The following SSUH2 variants were observed in gnomAD, a reference collection of about 807,000 sequenced individuals.
SSUH2 encodes protein SSUH2 homolog.
In SSUH2, 47 loss-of-function variants were observed where a neutral mutation model predicts 55.3. The ratio of observed to expected loss-of-function variants is 0.85; its 90% CI spans 0.67 to 1.08. SSUH2 has a LOEUF of 1.08. SSUH2 is among the 50% of genes least tolerant of loss of function. SSUH2 has a pLI of 0.00. For missense variants in SSUH2, 535 were observed against 490.7 expected, an observed-to-expected ratio of 1.09 and a Z score of -0.85; for synonymous variants, 212 against 191.5, an observed-to-expected ratio of 1.11 and a Z score of -0.89.
intron 3 of SSUH2, among the ~76,000 whole-genome samples, chr3:8,673,096 TCA>T (rs780783364): frequency 2.0e-5 from 3 of 152,000 alleles, no homozygotes; most frequent in Non-Finnish European, 4.4e-5. Flanking sequence ...CTAATAGTGT[TCA>T]GATTATTAAT....
At chr3:8,655,352 A>T (rs75163340) in intron 7 of SSUH2, among the ~76,000 whole-genome samples, 1 of 54,354 alleles carries the variant, frequency 1.8e-5, no homozygotes, top group Admixed American at 2.0e-4. Flanking sequence ...GGGTGGCCTC[A>T]TCCCCCAGTC....
At chr3:8,635,898 C>A in intron 1 of SSUH2, 41 bp from the exon 2 acceptor site, 1 of 1,513,136 alleles carries the variant, frequency 6.6e-7, no homozygotes. Context: ...GGTAGGGAGG[C>A]GAGGGCTGAT....
intron 3 of SSUH2, chr3:8,634,413 C>T (rs941346867): frequency 8.5e-6 from 11 of 1,290,708 alleles, no homozygotes; most frequent in Non-Finnish European, 1.1e-5. Flanking sequence ...TCTTTCTGGC[C>T]CCAACACCTC....
Position 8,664,367 on chromosome 3 carries a change from C to T in SSUH2, c.-454-565G>A, listed in dbSNP as rs576659163. ...ATCTTCATGAAGCATGTCCCCCTTT[C>T]CCTTGGCGCTGTGTATAGCACAGCC... On this transcript the variant is annotated intron_variant, in intron 5 of 18. Transcript: ENST00000317371. Among the ~76,000 whole-genome samples, 40 of 152,352 alleles carry T rather than the reference C, an allele frequency of 2.6e-4. No homozygotes were observed. In the South Asian group the frequency reaches 7.7e-3, roughly 29 times the overall value.
At chr3:8,675,717 C>A (rs1272720626) in intron 3 of SSUH2, among the ~76,000 whole-genome samples, 1 of 152,078 alleles carries the variant, frequency 6.6e-6, no homozygotes, top group Non-Finnish European at 1.5e-5. Context: ...ACTAGCCAAG[C>A]CTTTGCATGA....
intron 7 of SSUH2, among the ~76,000 whole-genome samples, chr3:8,653,880 T>G (rs888148946): frequency 6.6e-6 from 1 of 152,144 alleles, no homozygotes; most frequent in African/African-American, 2.4e-5. Flanking sequence ...CGGTACTCAC[T>G]CTCTACCTCC....
chr3:8,680,958 A>C (rs1705891951), intron 1 of SSUH2, among the ~76,000 whole-genome samples: 1 of 143,546 alleles, frequency 7.0e-6, no homozygotes, highest in Non-Finnish European at 1.6e-5. Context: ...AATTATTATC[A>C]TCCTCTCCCC....
At chr3:8,660,646 G>T (rs1024675133) in intron 6 of SSUH2, among the ~76,000 whole-genome samples, 2 of 139,214 alleles carry the variant, frequency 1.4e-5, no homozygotes, top group Non-Finnish European at 3.1e-5. Context: ...TTTTACAAAT[G>T]TCTATATTTA....
intron 5 of SSUH2, among the ~76,000 whole-genome samples, chr3:8,669,561 T>C (rs1490402420): frequency 2.0e-5 from 3 of 152,168 alleles, no homozygotes; most frequent in Non-Finnish European, 4.4e-5. Context: ...AAATATGTAT[T>C]ATTTACAAAA....
chr3:8,647,723 C>T (rs1465235150), upstream of SSUH2, among the ~76,000 whole-genome samples: 3 of 152,228 alleles, frequency 2.0e-5, no homozygotes, highest in African/African-American at 2.4e-5. Context: ...GGAACCAGGC[C>T]CTGCCTCGGG....
At chr3:8,675,361 C>G (rs538312556) in intron 3 of SSUH2, among the ~76,000 whole-genome samples, 2 of 152,180 alleles carry the variant, frequency 1.3e-5, no homozygotes, top group African/African-American at 2.4e-5. Context: ...GGCGTTGGCT[C>G]GAGACCATCA....
intron 1 of SSUH2, among the ~76,000 whole-genome samples, chr3:8,680,565 G>A (rs1239279603): frequency 2.0e-5 from 3 of 151,808 alleles, no homozygotes; most frequent in Admixed American, 6.6e-5. Context: ...CCTCTCCCAC[G>A]CTGAAATTAG....
chr3:8,645,569 C>A (rs367996515), upstream of SSUH2, among the ~76,000 whole-genome samples: 7 of 152,278 alleles, frequency 4.6e-5, no homozygotes, highest in East Asian at 1.2e-3. Context: ...GGTCCCACCC[C>A]CTCCACTGCA....
chr3:8,678,880 C>G (rs1271273612), intron 2 of SSUH2, among the ~76,000 whole-genome samples: 2 of 115,846 alleles, frequency 1.7e-5, no homozygotes, highest in African/African-American at 5.9e-5. Context: ...CTCTTAGGAT[C>G]CCCATTGCAA....
intron 5 of SSUH2, among the ~76,000 whole-genome samples, chr3:8,665,150 T>A (rs1179982943): frequency 1.3e-5 from 2 of 152,028 alleles, no homozygotes; most frequent in Admixed American, 6.5e-5. Context: ...ACTGCAATTA[T>A]TTTGGGATGG....
chr3:8,634,610 G>T, intron 3 of SSUH2: 2 of 1,286,542 alleles, frequency 1.6e-6, no homozygotes, highest in Non-Finnish European at 2.0e-6. Context: ...GGCTGGAGAG[G>T]CCAGAGATGA....
In SSUH2 at chr3:8,620,633, T is replaced by C. The variant is rs146668144; in HGVS notation, c.982-619A>G. Among the ~76,000 whole-genome samples the C allele has an allele frequency of 1.9e-3, 292 of 152,348 alleles. 2 individuals carry two copies. The highest frequency in any genetic ancestry group is 6.8e-3 in the African/African-American group (282 of 41,580). ...TTTAGCTACCATTTGATTCTAGGTT[T>C]CACCAAGTGGGCACAGGCATCCCCA... On this transcript the variant is annotated intron_variant, in intron 11 of 11. Coordinates refer to ENST00000544814, the MANE Select transcript of SSUH2 (RefSeq NM_001256748.3).
intron 6 of SSUH2, among the ~76,000 whole-genome samples, chr3:8,662,481 C>T (rs1376438824): frequency 6.6e-6 from 1 of 152,166 alleles, no homozygotes; most frequent in African/African-American, 2.4e-5. Flanking sequence ...CAGGAACTAG[C>T]TCACAAGGTT....
At chr3:8,648,147 A>C (rs1049004872), upstream of SSUH2, among the ~76,000 whole-genome samples, 5 of 152,220 alleles carry the variant, frequency 3.3e-5, no homozygotes, top group African/African-American at 1.2e-4. Flanking sequence ...TTAAACCTTC[A>C]CAACAACTCC....
Sources: gnomAD v4.1 joint callset for allele counts (sites outside exome capture counted in the v4.1 genomes callset) on GRCh38, gnomAD v4.1.1 for gene constraint, MANE v1.5 for transcripts, NCBI Gene and HGNC (gene_info 2026-07-23, HGNC 2026-07-21) for gene names.